The following UBFD1 variants were observed in gnomAD, a reference collection of about 807,000 sequenced individuals.
UBFD1 encodes ubiquitin family domain containing 1, also known as ubiquitin domain-containing protein UBFD1.
In UBFD1, 12 loss-of-function variants were observed where a neutral mutation model predicts 35.1. The ratio of observed to expected loss-of-function variants is 0.34; its 90% CI spans 0.22 to 0.55. UBFD1 has a LOEUF of 0.55. UBFD1 is among the 20% of genes least tolerant of loss of function. UBFD1 has a pLI of 0.89. For missense variants in UBFD1, 337 were observed against 410.8 expected (o/e 0.82, Z 1.55); for synonymous variants, 178 against 167.6 (o/e 1.06, Z -0.48).
At chr16:23,558,407 T>C (rs1965862235) in intron 2 of UBFD1, 128 bp downstream of exon 2, 1 of 1,174,692 alleles carries the variant, frequency 8.5e-7, no homozygotes, top group African/African-American at 1.6e-5. Flanking sequence ...TTCTGAAGGA[T>C]ACTTGGATGC....
intron 3 of UBFD1, among the ~76,000 whole-genome samples, chr16:23,560,290 T>C (rs1965911448): frequency 6.6e-6 from 1 of 152,216 alleles, no homozygotes; most frequent in African/African-American, 2.4e-5. Context: ...GCCATTAACA[T>C]TCTTTCACGT....
intron 2 of UBFD1, among the ~76,000 whole-genome samples, chr16:23,558,738 C>T (rs933698): frequency 6.0e-4 from 91 of 151,978 alleles, no homozygotes; most frequent in South Asian, 1.5e-3. Context: ...TTAATTTTAC[C>T]TTGTTCATAG....
At position 23,573,536 on chromosome 16, in the gene UBFD1, T is replaced by TTGCAAAA. The variant is rs1188158653; in HGVS notation, c.*2946_*2947insTGCAAAA. On this transcript the variant is annotated 3_prime_UTR_variant, in exon 7 of 7. Coordinates refer to ENST00000395878, the MANE Select transcript of UBFD1 (RefSeq NM_019116.3). ...CTTTGGTATTAAGTGTTTGAATCCA[T>TTGCAAAA]GGTGGGCCTTTTGCAAGTAGCGTTA... 1 of 152,654 alleles carries TTGCAAAA rather than the reference T, an allele frequency of 6.6e-6. No homozygotes were observed. The highest frequency in any genetic ancestry group is 6.5e-5 in the Admixed American group (1 of 15,282). 9.5% of individuals were successfully genotyped at this position (152,654 alleles called of 1,614,324 possible). A position where few individuals can be genotyped will look rare whatever the true frequency, so the allele number is the denominator to read the frequency against.
At chr16:23,563,064 A>G (rs1313481747) in intron 5 of UBFD1, among the ~76,000 whole-genome samples, 1 of 150,458 alleles carries the variant, frequency 6.6e-6, no homozygotes, top group Non-Finnish European at 1.5e-5. Flanking sequence ...AAATTGGGAG[A>G]TTTCACTAAT....
intron 1 of UBFD1, 69 bp downstream of exon 1, chr16:23,557,836 G>T (rs1388892239): frequency 7.8e-7 from 1 of 1,275,638 alleles, no homozygotes; most frequent in African/African-American, 1.6e-5. Flanking sequence ...GGGGGATGCG[G>T]CCCGGCCCGG....
intron 6 of UBFD1, among the ~76,000 whole-genome samples, chr16:23,567,580 C>T (rs935161876): frequency 6.6e-6 from 1 of 152,216 alleles, no homozygotes; most frequent in Non-Finnish European, 1.5e-5. Context: ...GCATAGAACC[C>T]ACTCTGCAGA....
At position 23,562,724 on chromosome 16, in the gene UBFD1, A is replaced by G; in HGVS notation, c.730A>G (p.Thr244Ala). The change falls in exon 5 of 7, where the codon ACT becomes GCT. Residue 244 changes from threonine to alanine, a missense_variant. By Grantham distance (58) the Thr-to-Ala change is moderately conservative. This residue lies in a region of UBFD1 where 71 missense variants were observed against 149.6 expected (regional missense o/e 0.47). Transcript: ENST00000395878. ...AGAACAAGACCAGCTGTGGATTGGC[A>G]CTAAAGGTATGTTCTTCCTCGCCTC... ...KLEQDQLWIG[T>A]KERTEKLPMG... 6.2e-7 allele frequency: 1 copy of G among 1,613,984 alleles called. No homozygotes were observed. Among genetic ancestry groups the G allele is most frequent in the Non-Finnish European group, 8.5e-7 (1 of 1,179,886 alleles).
chr16:23,563,308 G>A (rs574785152), intron 5 of UBFD1, among the ~76,000 whole-genome samples: 42 of 151,984 alleles, frequency 2.8e-4, no homozygotes, highest in Non-Finnish European at 4.0e-4. Flanking sequence ...TTTCCTAACC[G>A]CTGCCGAGGA....
chr16:23,566,813 G>T (rs1392378869), intron 5 of UBFD1, 174 bp from the exon 6 acceptor site: 1 of 578,630 alleles, frequency 1.7e-6, no homozygotes, highest in East Asian at 2.8e-5. Flanking sequence ...CCCACACGAA[G>T]CCCTATGTGC....
At chr16:23,562,537 G>A in intron 4 of UBFD1, 88 bp from the exon 5 acceptor site, 1 of 1,248,580 alleles carries the variant, frequency 8.0e-7, no homozygotes, top group East Asian at 2.5e-5. Context: ...CAGTGTGCTG[G>A]GATTACAGGC....
Position 23,558,114 on chromosome 16 carries a change from G to A in UBFD1, c.190G>A (p.Asp64Asn). Residue 64 changes from aspartate (D) to asparagine (N), a missense_variant, in exon 2 of 7, where the codon GAC (aspartate) becomes AAC (asparagine). Physicochemically the swap from Asp to Asn is conservative, Grantham distance 23 (BLOSUM62 1). Coordinates refer to ENST00000395878, the MANE Select transcript of UBFD1 (RefSeq NM_019116.3). ...GCCGGCCCCGGCCCAGCCCCCTGGG[G>A]ACCCCGCAGCCCAGGCCTCGGTCAG... ...LQPAPAQPPG[D>N]PAAQASVSNG... is the part of the protein sequence containing the mutation. 4 of 1,579,908 alleles carry A rather than the reference G, an allele frequency of 2.5e-6. No homozygotes were observed. Among genetic ancestry groups the A allele is most frequent in the Non-Finnish European group, 3.4e-6 (4 of 1,165,944 alleles).
intron 6 of UBFD1, among the ~76,000 whole-genome samples, chr16:23,568,182 AC>A: frequency 8.1e-6 from 1 of 123,578 alleles, no homozygotes; most frequent in South Asian, 2.7e-4. Context: ...TTTTTTTGAG[AC>A]GGAATCTCGC....
chr16:23,570,787 T>G lies in UBFD1; in HGVS notation c.*197T>G. Reference sequence around the variant, plus strand: ...CTTAATTTTAACTTAAAATTACCAGTTCCCTTTCTTGCAGTCAGCTTCATA... The same window carrying G: ...CTTAATTTTAACTTAAAATTACCAGGTCCCTTTCTTGCAGTCAGCTTCATA... On this transcript the variant is annotated 3_prime_UTR_variant, in exon 7 of 7. Coordinates refer to ENST00000395878, the MANE Select transcript of UBFD1 (RefSeq NM_019116.3). 2.1e-6 allele frequency: 1 copy of G among 476,760 alleles called. No homozygotes were observed. 29.5% of individuals were successfully genotyped at this position (476,760 alleles called of 1,614,324 possible). A position where few individuals can be genotyped will look rare whatever the true frequency, so the allele number is the denominator to read the frequency against.
chr16:23,570,131 T>C (rs1469774939), intron 6 of UBFD1, among the ~76,000 whole-genome samples: 1 of 152,194 alleles, frequency 6.6e-6, no homozygotes, highest in Non-Finnish European at 1.5e-5. Flanking sequence ...CCTGGATCAG[T>C]AGTGTTGCAT....
chr16:23,562,844 C>A, intron 5 of UBFD1, 114 bp downstream of exon 5: 1 of 890,350 alleles, frequency 1.1e-6, no homozygotes, highest in Non-Finnish European at 1.8e-6. Flanking sequence ...CTCCACTGTG[C>A]TTTGCTTGCT....
chr16:23,567,771 C>T (rs1023674778), intron 6 of UBFD1, among the ~76,000 whole-genome samples: 6 of 152,266 alleles, frequency 3.9e-5, no homozygotes, highest in African/African-American at 1.2e-4. Context: ...CCATCAGGGG[C>T]CTGGCCTGAG....
chr16:23,567,374 A>G (rs1306129058), intron 6 of UBFD1, among the ~76,000 whole-genome samples: 1 of 152,246 alleles, frequency 6.6e-6, no homozygotes, highest in African/African-American at 2.4e-5. Context: ...AGACCAGGAA[A>G]ATAAATATAA....
At chr16:23,570,403 C>T in intron 6 of UBFD1, 77 bp from the exon 7 acceptor site, 1 of 1,033,496 alleles carries the variant, frequency 9.7e-7, no homozygotes, top group South Asian at 1.3e-5. Context: ...CACATCCCAA[C>T]CCTCACCCAT....
chr16:23,559,942 GGAATCA>G, intron 3 of UBFD1: 2 of 1,393,030 alleles, frequency 1.4e-6, no homozygotes, highest in Non-Finnish European at 1.9e-6. Context: ...TGTGTTGAAA[GGAATCA>G]GACGTGGGTT....
Sources: gnomAD v4.1 joint callset for allele counts (sites outside exome capture counted in the v4.1 genomes callset) on GRCh38, gnomAD v4.1.1 for gene constraint, gnomAD v4.1.1 regional missense constraint, MANE v1.5 for transcripts, NCBI Gene and HGNC (gene_info 2026-07-23, HGNC 2026-07-21) for gene names.